Variants in PRKN observed in about 807,000 individuals in gnomAD.
The protein encoded by PRKN is parkin RBR E3 ubiquitin protein ligase, also known as E3 ubiquitin-protein ligase parkin.
In PRKN, 56 loss-of-function variants were observed where a neutral mutation model predicts 59.5. The ratio of observed to expected loss-of-function variants is 0.94; its 90% CI spans 0.76 to 1.18. PRKN has a LOEUF of 1.18. PRKN is among the 50% of genes most tolerant of loss of function. PRKN has a pLI of 0.00. For synonymous variants in PRKN, 250 were observed against 222.1 expected (o/e 1.13, Z -1.12); for missense variants, 657 against 596.4 (o/e 1.10, Z -1.06).
intron 1 of PRKN, among the ~76,000 whole-genome samples, chr6:162,554,379 G>A (rs1320290996): frequency 6.6e-6 from 1 of 152,146 alleles, no homozygotes; most frequent in East Asian, 1.9e-4. Context: ...GGTAATGCCT[G>A]TAATCCCAGC....
intron 1 of PRKN, among the ~76,000 whole-genome samples, chr6:162,556,418 G>A (rs1415001339): frequency 2.5e-5 from 3 of 120,506 alleles, no homozygotes; most frequent in East Asian, 4.8e-4. Flanking sequence ...TTTGGCAGAC[G>A]CCTTCTTTTT....
At position 161,573,775 on chromosome 6, in the gene PRKN, T is replaced by C. The variant is rs1583246573; in HGVS notation, c.872-4359A>G. Among the ~76,000 whole-genome samples the C allele has an allele frequency of 2.7e-5, 2 of 74,104 alleles. 1 individual carries two copies. Among genetic ancestry groups the C allele is most frequent in the Non-Finnish European group, 4.6e-5 (2 of 43,704 alleles). The allele number at this position is 74,104 out of a possible 152,430, so 48.6% of individuals were successfully genotyped here. A position where few individuals can be genotyped will look rare whatever the true frequency, so the allele number is the denominator to read the frequency against. ...AAAAAAATATATATATATATATATATATATATATATATATATATATAAAAC... is the reference window on the plus strand; with the variant it reads ...AAAAAAATATATATATATATATATACATATATATATATATATATATAAAAC... On this transcript the variant is annotated intron_variant, in intron 7 of 11. Coordinates refer to ENST00000366898, the MANE Select transcript of PRKN (RefSeq NM_004562.3).
intron 2 of PRKN, among the ~76,000 whole-genome samples, chr6:162,294,739 A>C (rs184858096): frequency 6.8e-6 from 1 of 146,380 alleles, no homozygotes; most frequent in East Asian, 1.9e-4. Flanking sequence ...AATAAGAGTA[A>C]AAAAAAAGAG....
Position 162,458,858 on chromosome 6 carries a change from T to C in PRKN, c.8-15385A>G, listed in dbSNP as rs376341723. 3.3e-5 allele frequency among the ~76,000 whole-genome samples: 5 copies of C among 152,278 alleles called. No homozygotes were observed. The East Asian group carries it at 7.7e-4, about 23-fold the overall frequency. On this transcript the variant is annotated intron_variant, in intron 1 of 11. Transcript: ENST00000366898. ...TTAAGACAGGGTCTCACTCTGTCAC[T>C]AAGGCTGGAGTATAGTTGCATGACA...
At chr6:161,766,264 A>T (rs916371443) in intron 7 of PRKN, among the ~76,000 whole-genome samples, 3 of 151,610 alleles carry the variant, frequency 2.0e-5, no homozygotes, top group African/African-American at 7.3e-5. Flanking sequence ...TTGATATGGA[A>T]GTCTCAATTA....
At chr6:162,269,738 T>G (rs760524624) in intron 2 of PRKN, 28 of 152,328 alleles carry the variant, frequency 1.8e-4, no homozygotes, top group Non-Finnish European at 3.7e-4. Flanking sequence ...TTAAAATCAT[T>G]TCAGTGTATG....
intron 9 of PRKN, among the ~76,000 whole-genome samples, chr6:161,476,662 G>A (rs1791098104): frequency 6.6e-6 from 1 of 152,208 alleles, no homozygotes; most frequent in African/African-American, 2.4e-5. Flanking sequence ...GCAGCCGGGA[G>A]GCAGAAGACC....
chr6:161,603,887 G>A (rs1782187466), intron 7 of PRKN, among the ~76,000 whole-genome samples: 1 of 152,164 alleles, frequency 6.6e-6, no homozygotes, highest in African/African-American at 2.4e-5. Context: ...GAGAAGCTAT[G>A]GTCTGAATGT....
At chr6:162,727,340 G>C in intron 1 of PRKN, 1 of 408,078 alleles carries the variant, frequency 2.5e-6, no homozygotes, top group South Asian at 3.8e-5. Context: ...GCGGGGAGAA[G>C]GCTTCGGGAC....
At chr6:162,031,175 G>T (rs1046403650) in intron 5 of PRKN, among the ~76,000 whole-genome samples, 27 of 151,962 alleles carry the variant, frequency 1.8e-4, no homozygotes, top group African/African-American at 6.5e-4. Context: ...CAATTCTAGA[G>T]TGATCTAGGA....
intron 6 of PRKN, among the ~76,000 whole-genome samples, chr6:161,899,146 T>TG (rs1285411409): frequency 1.3e-5 from 2 of 151,976 alleles, no homozygotes; most frequent in Non-Finnish European, 2.9e-5. Context: ...GACTGTGGAG[T>TG]GGGGAGGCCC....
intron 2 of PRKN, among the ~76,000 whole-genome samples, chr6:162,426,495 C>G (rs780181012): frequency 1.3e-5 from 2 of 152,200 alleles, no homozygotes; most frequent in East Asian, 1.9e-4. Context: ...CTGTCACCCA[C>G]GCTGTAATGC....
intron 1 of PRKN, among the ~76,000 whole-genome samples, chr6:162,523,200 CAGTGGGAATTCACAGGAG>C (rs921494053): frequency 3.3e-5 from 5 of 152,158 alleles, no homozygotes; most frequent in South Asian, 4.1e-4. Context: ...ACAGATGAGG[CAGTGGGAATTCACAGGAG>C]AGTGGGAATT....
At chr6:162,173,489 T>C (rs28503735) in intron 4 of PRKN, among the ~76,000 whole-genome samples, 4,336 of 151,980 alleles carry the variant, frequency 0.029, 94 homozygotes, top group Middle Eastern at 0.051. Flanking sequence ...AGCAGCCACA[T>C]GTGGAGTGCG....
intron 2 of PRKN, among the ~76,000 whole-genome samples, chr6:162,295,371 A>G (rs1354898251): frequency 6.6e-6 from 1 of 152,168 alleles, no homozygotes; most frequent in Non-Finnish European, 1.5e-5. Context: ...CCTTGATATC[A>G]TGGAATTATT....
chr6:161,479,579 T>C (rs73589784), intron 9 of PRKN, among the ~76,000 whole-genome samples: 1,610 of 152,352 alleles, frequency 0.011, 23 homozygotes, highest in African/African-American at 0.037. Context: ...ATCCTGACGC[T>C]GCAACATTAA....
chr6:161,422,182 A>T (rs983468341), intron 9 of PRKN, among the ~76,000 whole-genome samples: 1 of 151,798 alleles, frequency 6.6e-6, no homozygotes, highest in African/African-American at 2.4e-5. Context: ...CCGACTAAGG[A>T]AACACAAATA....
intron 4 of PRKN, among the ~76,000 whole-genome samples, chr6:162,185,562 A>G (rs1046033360): frequency 1.3e-5 from 2 of 152,168 alleles, no homozygotes; most frequent in African/African-American, 4.8e-5. Flanking sequence ...TGATTTCAAA[A>G]TCTTTTTCCC....
intron 7 of PRKN, among the ~76,000 whole-genome samples, chr6:161,652,637 T>A (rs968509180): frequency 3.3e-5 from 5 of 152,192 alleles, no homozygotes; most frequent in Non-Finnish European, 5.9e-5. Flanking sequence ...ATAATTTTGA[T>A]ATAGAAATTA....
Sources: gnomAD v4.1 joint callset for allele counts (sites outside exome capture counted in the v4.1 genomes callset) on GRCh38, gnomAD v4.1.1 for gene constraint, MANE v1.5 for transcripts, NCBI Gene and HGNC (gene_info 2026-07-23, HGNC 2026-07-21) for gene names.